The following RANBP17 variants were observed in gnomAD, a reference collection of about 807,000 sequenced individuals.
The protein encoded by RANBP17 is ran-binding protein 17.
Under a neutral mutation model 141.2 loss-of-function variants are expected in RANBP17, and 158 were observed. The ratio of observed to expected loss-of-function variants is 1.12; its 90% CI spans 0.98 to 1.28. The LOEUF is 1.28. Among genes scored for constraint, RANBP17 ranks in the 50% most tolerant of loss-of-function variants. The probability of loss-of-function intolerance (pLI) is 0.00; values close to 1 mark genes in which losing one functional copy is unlikely to be tolerated. For synonymous variants in RANBP17, 430 were observed against 450.0 expected (o/e 0.96, Z 0.56); for missense variants, 1,438 against 1,290.7 (o/e 1.11, Z -1.75).
intron 13 of RANBP17, among the ~76,000 whole-genome samples, chr5:170,959,171 C>T (rs1236325845): frequency 6.6e-6 from 1 of 152,170 alleles, no homozygotes; most frequent in African/African-American, 2.4e-5. Context: ...ATTGCTCTCA[C>T]CTACCCATCT....
At chr5:170,895,988 A>G (rs1770081198) in intron 4 of RANBP17, 62 bp from the exon 5 acceptor site, 4 of 890,022 alleles carry the variant, frequency 4.5e-6, no homozygotes, top group African/African-American at 1.7e-5. Context: ...GTTACCTGGT[A>G]TATACATTAA....
intron 13 of RANBP17, among the ~76,000 whole-genome samples, chr5:170,958,451 AG>A (rs1347882647): frequency 6.6e-6 from 1 of 152,200 alleles, no homozygotes; most frequent in Non-Finnish European, 1.5e-5. Flanking sequence ...GTGTGCAAGC[AG>A]GGCCAAGCAA....
chr5:171,277,637 G>GTGTATATATATATATATATATATATATA lies in RANBP17; in HGVS notation c.2943+11791_2943+11792insGTATATATATATATATATATATATATAT, dbSNP rs1437482589. Among the ~76,000 whole-genome samples, 107 of 56,900 alleles carry GTGTATATATATATATATATATATATATA rather than the reference G, an allele frequency of 1.9e-3. 31 individuals are homozygous for GTGTATATATATATATATATATATATATA. Among genetic ancestry groups the GTGTATATATATATATATATATATATATA allele is most frequent in the East Asian group, 6.1e-3 (7 of 1,140 alleles). 37.3% of individuals were successfully genotyped at this position (56,900 alleles called of 152,430 possible). A position where few individuals can be genotyped will look rare whatever the true frequency, so the allele number is the denominator to read the frequency against. On this transcript the variant is annotated intron_variant, in intron 25 of 27. Transcript: ENST00000523189. The stretch of plus-strand genomic sequence containing the variant: ...GTGCCTTACGTATACATATATGTAT[G>GTGTATATATATATATATATATATATATA]TATATATATATATATATATATATAT...
chr5:171,148,586 A>G (rs935938075), intron 14 of RANBP17, among the ~76,000 whole-genome samples: 1 of 151,456 alleles, frequency 6.6e-6, no homozygotes, highest in Non-Finnish European at 1.5e-5. Context: ...GTACTTGTCT[A>G]TATATCTGTA....
At chr5:171,194,779 C>G (rs1761865002) in intron 18 of RANBP17, among the ~76,000 whole-genome samples, 1 of 152,194 alleles carries the variant, frequency 6.6e-6, no homozygotes, top group Admixed American at 6.5e-5. Flanking sequence ...AACTGCCAAA[C>G]TGTTTTCCAC....
At chr5:170,984,267 C>G (rs1207881859) in intron 14 of RANBP17, among the ~76,000 whole-genome samples, 2 of 152,060 alleles carry the variant, frequency 1.3e-5, no homozygotes, top group Non-Finnish European at 2.9e-5. Flanking sequence ...AGATAACCCA[C>G]CCAGGAGTTT....
intron 5 of RANBP17, among the ~76,000 whole-genome samples, chr5:170,905,008 ATGTATT>A (rs1770963291): frequency 6.6e-6 from 1 of 152,192 alleles, no homozygotes; most frequent in African/African-American, 2.4e-5. Flanking sequence ...TACACTTAAC[ATGTATT>A]TGTATTAAAT....
intron 5 of RANBP17, among the ~76,000 whole-genome samples, chr5:170,909,200 G>A (rs77614476): frequency 0.032 from 4,876 of 151,732 alleles, 254 homozygotes; most frequent in African/African-American, 0.11. Flanking sequence ...GTTTCTTTTC[G>A]TAGTATCAAA....
chr5:171,156,682 GCTAT>G (rs1320322002), intron 14 of RANBP17, among the ~76,000 whole-genome samples: 2 of 152,120 alleles, frequency 1.3e-5, no homozygotes, highest in African/African-American at 2.4e-5. Flanking sequence ...TAATTTATTA[GCTAT>G]CGGTAGCTTC....
At chr5:171,034,494 G>A (rs967892056) in intron 14 of RANBP17, among the ~76,000 whole-genome samples, 1 of 152,170 alleles carries the variant, frequency 6.6e-6, no homozygotes, top group Admixed American at 6.5e-5. Flanking sequence ...CCTAAATGAT[G>A]CCCCAGCCAA....
chr5:170,926,290 C>G (rs1772914070), intron 12 of RANBP17, among the ~76,000 whole-genome samples: 1 of 152,098 alleles, frequency 6.6e-6, no homozygotes, highest in Non-Finnish European at 1.5e-5. Flanking sequence ...CTGTAGTTTG[C>G]TGACCTGGAC....
At chr5:171,278,766 C>T (rs1767682011) in intron 25 of RANBP17, among the ~76,000 whole-genome samples, 3 of 152,200 alleles carry the variant, frequency 2.0e-5, no homozygotes, top group Admixed American at 1.3e-4. Context: ...ACTGCCTTGT[C>T]TGGGGGTGAA....
chr5:171,111,034 C>A (rs920522223), intron 14 of RANBP17, among the ~76,000 whole-genome samples: 8 of 151,706 alleles, frequency 5.3e-5, no homozygotes, highest in African/African-American at 1.9e-4. Context: ...ACCACAGTCC[C>A]CAGAGTGTGA....
chr5:170,880,523 C>G (rs1241969566), intron 2 of RANBP17, among the ~76,000 whole-genome samples: 1 of 152,116 alleles, frequency 6.6e-6, no homozygotes, highest in Non-Finnish European at 1.5e-5. Flanking sequence ...ACTTTGGTTG[C>G]AGTCTCATTT....
chr5:171,165,655 C>A (rs961162782), intron 14 of RANBP17, among the ~76,000 whole-genome samples: 1 of 152,090 alleles, frequency 6.6e-6, no homozygotes, highest in Admixed American at 6.6e-5. Flanking sequence ...GACAATATAC[C>A]ACTGGAGATG....
intron 9 of RANBP17, among the ~76,000 whole-genome samples, chr5:170,917,466 A>G (rs1288426073): frequency 6.6e-6 from 1 of 152,088 alleles, no homozygotes; most frequent in African/African-American, 2.4e-5. Flanking sequence ...TTGGTTTAAA[A>G]TATCTGTAAA....
intron 19 of RANBP17, among the ~76,000 whole-genome samples, chr5:171,202,785 C>T (rs1762365967): frequency 6.6e-6 from 1 of 152,152 alleles, no homozygotes; most frequent in African/African-American, 2.4e-5. Flanking sequence ...AGGATGAAGA[C>T]AGCCATCTTA....
chr5:170,904,897 A>T (rs1256666244), intron 5 of RANBP17, among the ~76,000 whole-genome samples: 1 of 152,178 alleles, frequency 6.6e-6, no homozygotes, highest in African/African-American at 2.4e-5. Context: ...ATTTCTGTGT[A>T]ATACCACTAA....
At chr5:171,156,965 G>A (rs1327257634) in intron 14 of RANBP17, among the ~76,000 whole-genome samples, 1 of 152,122 alleles carries the variant, frequency 6.6e-6, no homozygotes, top group Non-Finnish European at 1.5e-5. Flanking sequence ...GACTTGAACA[G>A]TATTAAAACT....
Sources: gnomAD v4.1 joint callset for allele counts (sites outside exome capture counted in the v4.1 genomes callset) on GRCh38, gnomAD v4.1.1 for gene constraint, MANE v1.5 for transcripts, NCBI Gene and HGNC (gene_info 2026-07-23, HGNC 2026-07-21) for gene names.